Variants in MCOLN1 observed in about 807,000 individuals in gnomAD.
MCOLN1 encodes the protein mucolipin-1.
A neutral mutation model predicts 70.3 loss-of-function variants in MCOLN1; 50 were observed. That is an observed-to-expected ratio of 0.71 (90% CI 0.57 to 0.90). MCOLN1 has a LOEUF of 0.90. Among genes scored for constraint, MCOLN1 ranks in the 40% least tolerant of loss-of-function variants. The probability of loss-of-function intolerance (pLI) is 0.00; values close to 1 mark genes in which losing one functional copy is unlikely to be tolerated. For synonymous variants in MCOLN1, 366 were observed against 341.0 expected (o/e 1.07, Z -0.81); for missense variants, 598 against 803.5 (o/e 0.74, Z 3.09).
rs1327712267 is a variant in MCOLN1, at chr19:7,526,220, G to T, written c.238-219G>T. ...TGTACGGGGGAGGACACAGTGGTGG[G>T]CGTGGCATGGAGCTTATGCCAGGAG... On this transcript the variant is annotated intron_variant, in intron 2 of 13. Transcript: ENST00000264079. The surrounding 1 kb of genome is among the most constrained non-coding windows in gnomAD (Gnocchi z 4.6). 4.8e-6 allele frequency: 3 copies of T among 622,660 alleles called. No homozygotes were observed. Among genetic ancestry groups the T allele is most frequent in the Non-Finnish European group, 8.7e-6 (3 of 345,662 alleles). 38.6% of individuals were successfully genotyped at this position (622,660 alleles called of 1,614,324 possible).
At chr19:7,531,276 C>G (rs925848634) in intron 12 of MCOLN1, among the ~76,000 whole-genome samples, 1 of 152,038 alleles carries the variant, frequency 6.6e-6, no homozygotes, top group African/African-American at 2.4e-5. Context: ...TCTCGGCTCA[C>G]TGCAACCTCC....
rs1481354917 is a variant in MCOLN1, at chr19:7,526,960, G to A, written c.571+34G>A. The A allele has an allele frequency of 1.9e-6, 3 of 1,613,408 alleles. No homozygotes were observed. The African/African-American group carries it at 4.0e-5, about 22-fold the overall frequency. On this transcript the variant is annotated intron_variant, in intron 4 of 13. Transcript: ENST00000264079. The surrounding 1 kb of genome is among the most constrained non-coding windows in gnomAD (Gnocchi z 4.6). ...GCAGGACGAGGCTTCACTGTTGGGA[G>A]CCTGAGCTGCTGGGATTAAAATCAA...
Position 7,528,662 on chromosome 19 carries a change from C to G in MCOLN1, c.943C>G (p.Leu315Val). 1 of 1,614,238 alleles carries G rather than the reference C, an allele frequency of 6.2e-7. No individual in the cohort carries two copies. The highest frequency in any genetic ancestry group is 8.5e-7 in the Non-Finnish European group (1 of 1,180,036). The change falls in exon 8 of 14, where the codon CTC becomes GTC. Residue 315 changes from leucine to valine, a missense_variant. This residue lies in a region of MCOLN1 where 461 missense variants were observed against 588.4 expected (regional missense o/e 0.78). Coordinates refer to ENST00000264079, the MANE Select transcript of MCOLN1 (RefSeq NM_020533.3). The surrounding 1 kb of genome is among the most constrained non-coding windows in gnomAD (Gnocchi z 4.2). ...VILTCSLSFL[L>V]CARSLLRGFL... Reference sequence around the variant, plus strand: ...CCTCACCTGCTCCCTGTCCTTCCTCCTCTGCGCCCGCTCACTCCTTCGAGG... The same window carrying G: ...CCTCACCTGCTCCCTGTCCTTCCTCGTCTGCGCCCGCTCACTCCTTCGAGG...
rs747359059 is a variant in MCOLN1 at position 7,526,877 on chromosome 19, C to T, written c.522C>T (p.His174=). The T allele has an allele frequency of 3.7e-6, 6 of 1,614,014 alleles. No homozygotes were observed. Among genetic ancestry groups the T allele is most frequent in the African/African-American group, 1.3e-5 (1 of 74,904 alleles). Residue 174 remains histidine (H), a synonymous_variant, in exon 4 of 14, where the codon CAC becomes CAT. Transcript: ENST00000264079. This position sits in a 1 kb window ranked among gnomAD's most constrained non-coding sequence, Gnocchi z 4.6. ...GCCAGCGGTACTACCACCGAGGCCA[C>T]GTGGACCCGGCCAACGACACATTTG... ...ALCQRYYHRG[H]VDPANDTFDI...
chr19:7,530,619 C>T, intron 12 of MCOLN1, 118 bp downstream of exon 12: 2 of 1,008,062 alleles, frequency 2.0e-6, no homozygotes, highest in Non-Finnish European at 3.1e-6. Context: ...ATATGGGAGA[C>T]TCTATGAAAC....
rs1026871780 is a variant in MCOLN1 at position 7,525,434 on chromosome 19, C to T, written c.237+268C>T. On this transcript the variant is annotated intron_variant, in intron 2 of 13. Transcript: ENST00000264079. The surrounding 1 kb of genome is among the most constrained non-coding windows in gnomAD (Gnocchi z 4.2). ...GCTTGAATTGGGAGGCGGAGGTTGCCGTGAGCTGAAATCATGCCACTGCAC... is the reference window on the plus strand; with the variant it reads ...GCTTGAATTGGGAGGCGGAGGTTGCTGTGAGCTGAAATCATGCCACTGCAC... 9.9e-5 allele frequency: 40 copies of T among 402,542 alleles called. No individual in the cohort carries two copies. The highest frequency in any genetic ancestry group is 3.5e-4 in the African/African-American group (17 of 48,342). The allele number at this position is 402,542 out of a possible 1,614,324, so 24.9% of individuals were successfully genotyped here.
In MCOLN1 at chr19:7,527,643, C is replaced by A; in HGVS notation, c.680+15C>A. On this transcript the variant is annotated intron_variant, in intron 5 of 13. Coordinates refer to ENST00000264079, the MANE Select transcript of MCOLN1 (RefSeq NM_020533.3). ...AAATTCCACAAGTACTGCCTGCTCACTCGAGGGGGGCCCAGGGTGGGGGAG... is the reference window on the plus strand; with the variant it reads ...AAATTCCACAAGTACTGCCTGCTCAATCGAGGGGGGCCCAGGGTGGGGGAG... 6.4e-7 allele frequency: 1 copy of A among 1,561,504 alleles called. No homozygotes were observed. The highest frequency in any genetic ancestry group is 1.4e-5 in the African/African-American group (1 of 73,968).
chr19:7,533,721 G>A lies in MCOLN1; in HGVS notation c.1707-38G>A, dbSNP rs770444810. The A allele has an allele frequency of 3.1e-6, 5 of 1,614,078 alleles. No individual in the cohort carries two copies. The Admixed American group carries it at 8.3e-5, about 27-fold the overall frequency. ...AATGGGGAAAGGGGAGCGAGCCAGA[G>A]AAAACTGACGCCCCTCTTCCCTGCT... On this transcript the variant is annotated intron_variant, in intron 13 of 13. Transcript: ENST00000264079.
chr19:7,531,208 A>G (rs575901036), intron 12 of MCOLN1, among the ~76,000 whole-genome samples: 1 of 145,928 alleles, frequency 6.9e-6, no homozygotes, highest in Non-Finnish European at 1.5e-5. Flanking sequence ...TATTATTATT[A>G]TTTTTTTTTT....
chr19:7,529,513 C>A, intron 10 of MCOLN1, 77 bp from the exon 11 acceptor site: 2 of 1,040,524 alleles, frequency 1.9e-6, no homozygotes, highest in Admixed American at 1.9e-5. Context: ...CCCGCCCCTC[C>A]CACCCCCATC....
intron 12 of MCOLN1, among the ~76,000 whole-genome samples, chr19:7,532,311 A>G (rs745405559): frequency 1.1e-4 from 17 of 152,210 alleles, no homozygotes; most frequent in Non-Finnish European, 2.5e-4. Context: ...GGAAGGTTGC[A>G]GAGGGACCCC....
Position 7,528,265 on chromosome 19 carries a change from CCT to C in MCOLN1, c.877+9_877+10del. 1.2e-6 allele frequency: 2 copies of C among 1,613,246 alleles called. No homozygotes were observed. Among genetic ancestry groups the C allele is most frequent in the African/African-American group, 1.3e-5 (1 of 75,030 alleles). On this transcript the variant is annotated intron_variant, in intron 7 of 13. Coordinates refer to ENST00000264079, the MANE Select transcript of MCOLN1 (RefSeq NM_020533.3). This position sits in a 1 kb window ranked among gnomAD's most constrained non-coding sequence, Gnocchi z 4.2. ...CCAGTGTCTTCCAGCACGGTGAGCC[CCT>C]GAGCCCCAGACCAGCACTGACCAGG... is the stretch of plus-strand genomic sequence containing the variant.
intron 12 of MCOLN1, 61 bp downstream of exon 12, chr19:7,530,562 G>C: frequency 6.9e-7 from 1 of 1,442,270 alleles, no homozygotes; most frequent in Non-Finnish European, 9.7e-7. Flanking sequence ...CTGCCATGAG[G>C]GGGTCTTGGG....
chr19:7,525,049 C>T lies in MCOLN1; in HGVS notation c.120C>T (p.Asp40=), dbSNP rs768172824. Residue 40 remains aspartate (D), a synonymous_variant, in exon 2 of 14, where the codon GAC becomes GAT. Transcript: ENST00000264079. The surrounding 1 kb of genome is among the most constrained non-coding windows in gnomAD (Gnocchi z 4.2). ...PAPPTPPEEE[D]LRRRLKYFFM... The stretch of plus-strand genomic sequence containing the variant: ...CTCCGACACCCCCAGAAGAGGAAGA[C>T]CTTCGCCGTCGTCTCAAATACTTTT... 6.2e-7 allele frequency: 1 copy of T among 1,614,142 alleles called. No homozygotes were observed. The highest frequency in any genetic ancestry group is 8.5e-7 in the Non-Finnish European group (1 of 1,180,036).
chr19:7,533,519 C>A lies in MCOLN1; in HGVS notation c.1576-4C>A. 6.8e-6 allele frequency: 11 copies of A among 1,610,738 alleles called. No individual in the cohort carries two copies. Among genetic ancestry groups the A allele is most frequent in the East Asian group, 2.2e-5 (1 of 44,878 alleles). The stretch of plus-strand genomic sequence containing the variant: ...AGGCTGAGCCTCCCGGCTTCTCTCC[C>A]CAGCATCCCGGCGGCGCAGGCGCAG... On this transcript the variant is annotated splice_polypyrimidine_tract_variant and splice_region_variant and intron_variant, in intron 12 of 13. Coordinates refer to ENST00000264079, the MANE Select transcript of MCOLN1 (RefSeq NM_020533.3).
At chr19:7,529,510 C>CCCCCCCCCCCCCCAGGGGGG in intron 10 of MCOLN1, 80 bp from the exon 11 acceptor site, 1 of 912,882 alleles carries the variant, frequency 1.1e-6, no homozygotes, top group Non-Finnish European at 1.7e-6. Flanking sequence ...GGCCCCGCCC[C>CCCCCCCCCCCCCCAGGGGGG]TCCCACCCCC....
Position 7,524,907 on chromosome 19 carries a change from G to T in MCOLN1, c.32-54G>T. On this transcript the variant is annotated intron_variant, in intron 1 of 13. Transcript: ENST00000264079. The surrounding 1 kb of genome is among the most constrained non-coding windows in gnomAD (Gnocchi z 4.1). ...GTGCTGCCTTCCTGGTTGGAGAAAG[G>T]GGAAAAGGGGAGTTGCCCAGGCCTC... 1 of 1,453,922 alleles carries T rather than the reference G, an allele frequency of 6.9e-7. No homozygotes were observed. The highest frequency in any genetic ancestry group is 1.4e-5 in the African/African-American group (1 of 71,550). 90.1% of individuals were successfully genotyped at this position (1,453,922 alleles called of 1,614,324 possible). A position where few individuals can be genotyped will look rare whatever the true frequency, so the allele number is the denominator to read the frequency against.
chr19:7,526,807 GT>G lies in MCOLN1; in HGVS notation c.453del (p.Gly152ValfsTer86), dbSNP rs1568398719. On this transcript the variant is annotated frameshift_variant, in exon 4 of 14. Coordinates refer to ENST00000264079, the MANE Select transcript of MCOLN1 (RefSeq NM_020533.3). LOFTEE classifies it high-confidence loss of function. The surrounding 1 kb of genome is among the most constrained non-coding windows in gnomAD (Gnocchi z 4.6). ...DVSLGRYAYV[R>X]GGGDPWTNGS... ...TCACTGGGCCGGTATGCGTATGTCC[GT>G]GGTGGGGGTGACCCTTGGACCAATG... 1 of 1,614,216 alleles carries G rather than the reference GT, an allele frequency of 6.2e-7. No homozygotes were observed. The highest frequency in any genetic ancestry group is 8.5e-7 in the Non-Finnish European group (1 of 1,180,050).
chr19:7,525,297 G>T lies in MCOLN1; in HGVS notation c.237+131G>T, dbSNP rs953004761. ...GCTTGAGGCTGGGAGTTCAAGACCAGTCTGGCCAGCATGGTGAAACCCCAT... is the reference window on the plus strand; with the variant it reads ...GCTTGAGGCTGGGAGTTCAAGACCATTCTGGCCAGCATGGTGAAACCCCAT... On this transcript the variant is annotated intron_variant, in intron 2 of 13. Coordinates refer to ENST00000264079, the MANE Select transcript of MCOLN1 (RefSeq NM_020533.3). The surrounding 1 kb of genome is among the most constrained non-coding windows in gnomAD (Gnocchi z 4.2). 4.9e-6 allele frequency: 4 copies of T among 823,918 alleles called. No homozygotes were observed. In the African/African-American group the frequency reaches 5.0e-5, roughly 10 times the overall value. 51.0% of individuals were successfully genotyped at this position (823,918 alleles called of 1,614,324 possible). A position where few individuals can be genotyped will look rare whatever the true frequency, so the allele number is the denominator to read the frequency against.
Sources: gnomAD v4.1 joint callset for allele counts (sites outside exome capture counted in the v4.1 genomes callset) on GRCh38, gnomAD v4.1.1 for gene constraint, gnomAD v4.1.1 regional missense constraint, Gnocchi (gnomAD v3.1) non-coding constraint, MANE v1.5 for transcripts, NCBI Gene and HGNC (gene_info 2026-07-23, HGNC 2026-07-21) for gene names.